The following MAP4 variants were observed in gnomAD, a reference collection of about 807,000 sequenced individuals.
MAP4 encodes the protein microtubule associated protein 4.
MAP4 carries 76 observed loss-of-function variants against 170.2 expected under a neutral mutation model. The observed-to-expected ratio is 0.45, with a 90% CI of 0.37 to 0.54. The LOEUF is 0.54. MAP4 is among the 20% of genes least tolerant of loss of function. The probability of loss-of-function intolerance (pLI) is 0.00; values close to 1 mark genes in which losing one functional copy is unlikely to be tolerated. For missense variants in MAP4, 2,506 were observed against 2,748.0 expected (o/e 0.91, Z 1.97); for synonymous variants, 909 against 994.5 (o/e 0.91, Z 1.62).
intron 3 of MAP4, chr3:47,974,065 A>G: frequency 1.0e-6 from 1 of 985,290 alleles, no homozygotes; most frequent in Non-Finnish European, 1.2e-6. Context: ...GCAAGGATTC[A>G]GTTTAAACTT....
intron 1 of MAP4, among the ~76,000 whole-genome samples, chr3:48,057,810 C>T (rs1429326256): frequency 2.0e-5 from 3 of 152,108 alleles, no homozygotes; most frequent in Admixed American, 2.0e-4. Context: ...CAAGAAATTT[C>T]CACCAGGGGA....
In MAP4 at chr3:47,911,941, G is replaced by A; in HGVS notation, c.2480C>T (p.Ser827Phe). 1 of 1,536,104 alleles carries A rather than the reference G, an allele frequency of 6.5e-7. No homozygotes were observed. The highest frequency in any genetic ancestry group is 8.7e-7 in the Non-Finnish European group (1 of 1,146,912). ...ACATTCCCTTTTCAAGTTTTCTCCA[G>A]ATACAAGTCCATATTCTGTACCCAT... ...TTMGTEYGLV[S>F]GENLKRECLV... Residue 827 changes from serine (S) to phenylalanine (F), a missense_variant, in exon 9 of 21, where the codon TCT becomes TTT. Transcript: ENST00000683076. The surrounding 1 kb of genome is among the most constrained non-coding windows in gnomAD (Gnocchi z 4.0).
chr3:48,046,239 T>C (rs1024364527), intron 1 of MAP4, among the ~76,000 whole-genome samples: 2 of 152,194 alleles, frequency 1.3e-5, no homozygotes, highest in Non-Finnish European at 2.9e-5. Context: ...TTTTCTTAAC[T>C]ATCACATAGA....
At chr3:47,968,280 C>G (rs1347094256) in intron 3 of MAP4, among the ~76,000 whole-genome samples, 1 of 152,224 alleles carries the variant, frequency 6.6e-6, no homozygotes, top group Non-Finnish European at 1.5e-5. Flanking sequence ...TAATGGACAT[C>G]TTACAGAACA....
chr3:48,056,879 G>T, intron 1 of MAP4, among the ~76,000 whole-genome samples: 1 of 126,526 alleles, frequency 7.9e-6, no homozygotes, highest in East Asian at 2.5e-4. Context: ...CAGCCACCCC[G>T]TCCGGGAGGT....
intron 1 of MAP4, among the ~76,000 whole-genome samples, chr3:48,005,642 T>C (rs2100101893): frequency 1.3e-5 from 2 of 152,200 alleles, no homozygotes; most frequent in South Asian, 2.1e-4. Flanking sequence ...CTTGGTTTAA[T>C]GTAGAGGAAG....
rs1293641251 is a variant in MAP4, at chr3:47,909,680, C to T, written c.4741G>A (p.Val1581Ile). 2 of 1,613,876 alleles carry T rather than the reference C, an allele frequency of 1.2e-6. No individual in the cohort carries two copies. The highest frequency in any genetic ancestry group is 1.7e-6 in the Non-Finnish European group (2 of 1,179,898). ...AKGHLLPGVP[V>I]EDQSLPGEAR... Reference sequence around the variant, plus strand: ...TCTCCTGGTAGGCTCTGGTCTTCTACTGGCACTCCAGGAAGGAGGTGACCT... The same window carrying T: ...TCTCCTGGTAGGCTCTGGTCTTCTATTGGCACTCCAGGAAGGAGGTGACCT... The change falls in exon 9 of 21, where the codon GTA becomes ATA. Residue 1581 changes from valine (V) to isoleucine (I), a missense_variant. Coordinates refer to ENST00000683076, the MANE Select transcript of MAP4 (RefSeq NM_001385682.1).
chr3:47,997,330 A>AAAAAAAAAAAAAAAAAAAAAAAAAAG, intron 2 of MAP4, among the ~76,000 whole-genome samples: 1 of 148,572 alleles, frequency 6.7e-6, no homozygotes, highest in African/African-American at 2.5e-5. Flanking sequence ...AACTGCTAAA[A>AAAAAAAAAAAAAAAAAAAAAAAAAAG]AAAAAAAAAA....
intron 10 of MAP4, among the ~76,000 whole-genome samples, chr3:47,883,133 C>G (rs2097045253): frequency 6.6e-6 from 1 of 152,012 alleles, no homozygotes; most frequent in African/African-American, 2.4e-5. Context: ...TTAAGTGTTT[C>G]CTCTTCATAG....
Position 47,904,698 on chromosome 3 carries a change from C to G in MAP4, c.5384-1698G>C, listed in dbSNP as rs2100031942. Among the ~76,000 whole-genome samples the G allele has an allele frequency of 4.0e-5, 6 of 151,744 alleles. No individual in the cohort carries two copies. In the South Asian group the frequency reaches 1.3e-3, roughly 32 times the overall value. ...GGGGCGGGGGATGGAGTCTCACTCA[C>G]TCTATCGCCCAGGCTGGAGGGCAGT... is the stretch of plus-strand genomic sequence containing the variant. On this transcript the variant is annotated intron_variant, in intron 9 of 20. Transcript: ENST00000683076.
chr3:47,923,756 G>A (rs2100044297), intron 4 of MAP4, among the ~76,000 whole-genome samples: 1 of 152,120 alleles, frequency 6.6e-6, no homozygotes, highest in East Asian at 1.9e-4. Context: ...GGTTGAGTCT[G>A]TGGTGAGCCG....
intron 1 of MAP4, among the ~76,000 whole-genome samples, chr3:48,047,954 G>C (rs2100125455): frequency 6.6e-6 from 1 of 152,130 alleles, no homozygotes; most frequent in African/African-American, 2.4e-5. Context: ...GACAGAGAGA[G>C]ATGTTTGGCA....
intron 1 of MAP4, among the ~76,000 whole-genome samples, chr3:48,059,759 G>C (rs865825058): frequency 9.3e-4 from 142 of 152,112 alleles, no homozygotes; most frequent in African/African-American, 3.2e-3. Flanking sequence ...CAGGCGGATT[G>C]CCTGAGCTCG....
chr3:47,998,049 G>C (rs532034256), intron 2 of MAP4, among the ~76,000 whole-genome samples: 82 of 152,294 alleles, frequency 5.4e-4, no homozygotes, highest in African/African-American at 1.9e-3. Context: ...TTCTAGAAAA[G>C]AGAAAGAAGG....
intron 2 of MAP4, among the ~76,000 whole-genome samples, chr3:47,997,382 C>A (rs2100096547): frequency 1.9e-5 from 2 of 105,280 alleles, no homozygotes; most frequent in East Asian, 2.6e-4. Flanking sequence ...GAGGAATTCA[C>A]AAAGGAAATA....
At chr3:47,918,404 GCCA>G (rs1051038577) in intron 6 of MAP4, among the ~76,000 whole-genome samples, 14 of 151,494 alleles carry the variant, frequency 9.2e-5, no homozygotes, top group African/African-American at 3.4e-4. Flanking sequence ...ATAAGTGTGA[GCCA>G]CCACACCAGG....
At chr3:48,049,152 T>C (rs2100126185) in intron 1 of MAP4, among the ~76,000 whole-genome samples, 1 of 152,262 alleles carries the variant, frequency 6.6e-6, no homozygotes, top group South Asian at 2.1e-4. Context: ...ATGGATGTCA[T>C]ATGTTTTGCT....
chr3:47,914,321 G>A (rs553354916), intron 8 of MAP4, among the ~76,000 whole-genome samples: 1 of 152,228 alleles, frequency 6.6e-6, no homozygotes, highest in East Asian at 1.9e-4. Flanking sequence ...ACTTTGGGAG[G>A]CTGAGGTGGG....
At chr3:47,977,652 T>C (rs949748471) in intron 3 of MAP4, among the ~76,000 whole-genome samples, 1 of 152,228 alleles carries the variant, frequency 6.6e-6, no homozygotes, top group Admixed American at 6.5e-5. Context: ...CCAATAAATA[T>C]TCAAAAAATA....
Sources: gnomAD v4.1 joint callset for allele counts (sites outside exome capture counted in the v4.1 genomes callset) on GRCh38, gnomAD v4.1.1 for gene constraint, Gnocchi (gnomAD v3.1) non-coding constraint, MANE v1.5 for transcripts, NCBI Gene and HGNC (gene_info 2026-07-23, HGNC 2026-07-21) for gene names.